WWOX: variants seen among roughly 807,000 people sequenced by gnomAD.
WWOX encodes the protein WW domain-containing oxidoreductase.
WWOX carries 69 observed loss-of-function variants against 46.2 expected under a neutral mutation model. The observed-to-expected ratio is 1.49, with a 90% CI of 1.23 to 1.82. The LOEUF (loss-of-function observed/expected upper bound fraction) is 1.82. Among genes scored for constraint, WWOX ranks in the 40% most tolerant of loss-of-function variants. The probability of loss-of-function intolerance (pLI) is 0.00; values close to 1 mark genes in which losing one functional copy is unlikely to be tolerated. For missense variants in WWOX, 919 were observed against 542.6 expected (o/e 1.69, Z -6.89); for synonymous variants, 359 against 202.6 (o/e 1.77, Z -6.56).
At chr16:78,725,576 A>T (rs2048810426) in intron 8 of WWOX, among the ~76,000 whole-genome samples, 1 of 149,864 alleles carries the variant, frequency 6.7e-6, no homozygotes, top group African/African-American at 2.5e-5. Flanking sequence ...CAAAATCCTG[A>T]CCTCAGGCGA....
chr16:79,113,077 G>A (rs1403334150), intron 8 of WWOX, among the ~76,000 whole-genome samples: 3 of 152,174 alleles, frequency 2.0e-5, no homozygotes, highest in African/African-American at 2.4e-5. Context: ...ACCAGAACTC[G>A]GTCTGGTGGA....
chr16:79,063,314 T>C (rs2048386890), intron 8 of WWOX, among the ~76,000 whole-genome samples: 1 of 152,230 alleles, frequency 6.6e-6, no homozygotes, highest in African/African-American at 2.4e-5. Flanking sequence ...TGAAGTGTTC[T>C]TATTTTTTGT....
Position 78,670,412 on chromosome 16 carries a change from C to G in WWOX, c.1056+237660C>G, listed in dbSNP as rs972489282. Among the ~76,000 whole-genome samples the G allele has an allele frequency of 1.3e-4, 20 of 152,282 alleles. No individual in the cohort carries two copies. In the East Asian group the frequency reaches 3.7e-3, roughly 28 times the overall value. Reference sequence around the variant, plus strand: ...ATTATGAGCATTGCAGTGCCACATGCTGCATTGGTGTGTTACGTTATGAGA... The same window carrying G: ...ATTATGAGCATTGCAGTGCCACATGGTGCATTGGTGTGTTACGTTATGAGA... On this transcript the variant is annotated intron_variant, in intron 8 of 8. Transcript: ENST00000566780.
At chr16:79,090,702 G>C (rs955187129) in intron 8 of WWOX, among the ~76,000 whole-genome samples, 2 of 152,208 alleles carry the variant, frequency 1.3e-5, no homozygotes, top group African/African-American at 4.8e-5. Context: ...AAGGTCCCGA[G>C]TGAGGCACAT....
chr16:78,901,875 C>A (rs1288693257), intron 8 of WWOX, among the ~76,000 whole-genome samples: 2 of 152,234 alleles, frequency 1.3e-5, no homozygotes, highest in African/African-American at 4.8e-5. Context: ...TCACACGGGC[C>A]TCTCCTACAA....
At chr16:78,940,015 C>G (rs866105893) in intron 8 of WWOX, among the ~76,000 whole-genome samples, 1 of 152,146 alleles carries the variant, frequency 6.6e-6, no homozygotes, top group Non-Finnish European at 1.5e-5. Flanking sequence ...TATATGCATA[C>G]AAAAACTGCA....
intron 8 of WWOX, among the ~76,000 whole-genome samples, chr16:78,704,671 G>A (rs1002010417): frequency 5.3e-5 from 8 of 152,146 alleles, no homozygotes; most frequent in African/African-American, 1.9e-4. Context: ...CTGTGAAAAT[G>A]ATTATGACAT....
chr16:78,869,018 T>G (rs2044068671), intron 8 of WWOX, among the ~76,000 whole-genome samples: 1 of 152,098 alleles, frequency 6.6e-6, no homozygotes, highest in South Asian at 2.1e-4. Flanking sequence ...AGGCCAAAGT[T>G]TTAAAGGAAG....
intron 8 of WWOX, among the ~76,000 whole-genome samples, chr16:78,713,579 A>G (rs539871827): frequency 1.3e-4 from 20 of 152,258 alleles, no homozygotes; most frequent in African/African-American, 3.9e-4. Context: ...TTGGGTCCTT[A>G]TAAAAAGAGG....
intron 8 of WWOX, among the ~76,000 whole-genome samples, chr16:79,067,953 A>T (rs1174239464): frequency 6.6e-6 from 1 of 152,196 alleles, no homozygotes; most frequent in African/African-American, 2.4e-5. Context: ...AAATCAGCCA[A>T]TAAATAATTA....
At chr16:78,875,090 C>T (rs1040966621) in intron 8 of WWOX, among the ~76,000 whole-genome samples, 1 of 152,136 alleles carries the variant, frequency 6.6e-6, no homozygotes, top group Admixed American at 6.5e-5. Flanking sequence ...TCTTCCTGCC[C>T]AGCAGACTCG....
chr16:79,136,982 C>T (rs922520420), intron 8 of WWOX, among the ~76,000 whole-genome samples: 6 of 152,102 alleles, frequency 3.9e-5, no homozygotes, highest in African/African-American at 1.4e-4. Context: ...AAATAGAGCT[C>T]CAAGGTGGAG....
intron 8 of WWOX, among the ~76,000 whole-genome samples, chr16:78,476,369 C>T (rs2084348672): frequency 6.6e-6 from 1 of 152,118 alleles, no homozygotes. Flanking sequence ...AAAAACCAAA[C>T]ACCGCATGTT....
At chr16:78,522,189 A>G (rs1315032555) in intron 8 of WWOX, among the ~76,000 whole-genome samples, 2 of 151,714 alleles carry the variant, frequency 1.3e-5, no homozygotes, top group East Asian at 1.9e-4. Flanking sequence ...AGATTTATTC[A>G]TCTTTGGTGT....
chr16:78,403,692 G>T (rs1042574881), intron 6 of WWOX, among the ~76,000 whole-genome samples: 2 of 152,184 alleles, frequency 1.3e-5, no homozygotes, highest in African/African-American at 2.4e-5. Context: ...GCACTGCTTC[G>T]CATGGGGGCT....
intron 6 of WWOX, among the ~76,000 whole-genome samples, chr16:78,400,375 A>C (rs2082383002): frequency 6.6e-6 from 1 of 152,128 alleles, no homozygotes; most frequent in Non-Finnish European, 1.5e-5. Flanking sequence ...AAAACTCCTG[A>C]GAGACTGACA....
Position 78,108,428 on chromosome 16 carries a change from C to T in WWOX, c.113C>T (p.Thr38Ile). Residue 38 changes from threonine (T) to isoleucine (I), a missense_variant, in exon 2 of 9, where the codon ACC (threonine) becomes ATC (isoleucine). Coordinates refer to ENST00000566780, the MANE Select transcript of WWOX (RefSeq NM_016373.4). ...GATTTTTTGTTTTTTAACAGTCACACCGAGGAGAAGACTCAGTGGGAACAT... is the reference window on the plus strand; with the variant it reads ...GATTTTTTGTTTTTTAACAGTCACATCGAGGAGAAGACTCAGTGGGAACAT... ...KDGWVYYANH[T>I]EEKTQWEHPK... 7 of 1,613,148 alleles carry T rather than the reference C, an allele frequency of 4.3e-6. No homozygotes were observed. Among genetic ancestry groups the T allele is most frequent in the Non-Finnish European group, 5.9e-6 (7 of 1,179,670 alleles).
intron 8 of WWOX, among the ~76,000 whole-genome samples, chr16:79,137,119 G>T (rs1052640929): frequency 6.6e-6 from 1 of 152,204 alleles, no homozygotes; most frequent in Non-Finnish European, 1.5e-5. Flanking sequence ...GCTTCCAGAA[G>T]GAAATTCTTG....
intron 8 of WWOX, among the ~76,000 whole-genome samples, chr16:79,180,645 T>G (rs1419408367): frequency 6.7e-6 from 1 of 150,258 alleles, no homozygotes; most frequent in Non-Finnish European, 1.5e-5. Context: ...GCTTCTTTCT[T>G]TTTCTCTTCT....
Sources: allele counts gnomAD v4.1 joint callset (sites outside exome capture counted in the v4.1 genomes callset), GRCh38; gene constraint gnomAD v4.1.1; transcripts MANE v1.5; gene names NCBI Gene and HGNC (gene_info 2026-07-23, HGNC 2026-07-21).